PLPPR1: variants seen among roughly 807,000 people sequenced by gnomAD.
PLPPR1 encodes phospholipid phosphatase-related protein type 1.
A neutral mutation model predicts 33.1 loss-of-function variants in PLPPR1; 10 were observed. That is an observed-to-expected ratio of 0.30 (90% CI 0.19 to 0.51). PLPPR1 has a LOEUF of 0.51. Among genes scored for constraint, PLPPR1 ranks in the 20% least tolerant of loss-of-function variants. The pLI is 0.97. For missense variants in PLPPR1, 304 were observed against 408.1 expected, an observed-to-expected ratio of 0.74 and a Z score of 2.20; for synonymous variants, 151 against 151.0, an observed-to-expected ratio of 1.00 and a Z score of 0.00.
chr9:101,185,606 G>A (rs369750856), intron 2 of PLPPR1, 49 bp downstream of exon 2: 1 of 1,154,066 alleles, frequency 8.7e-7, no homozygotes, highest in African/African-American at 1.6e-5. Flanking sequence ...AAAAGTAACA[G>A]TTTTTATTCT....
chr9:101,324,108 A>G lies in PLPPR1; in HGVS notation c.*51A>G. 6.9e-7 allele frequency: 1 copy of G among 1,450,388 alleles called. No individual in the cohort carries two copies. Among genetic ancestry groups the G allele is most frequent in the Non-Finnish European group, 9.7e-7 (1 of 1,034,714 alleles). The allele number at this position is 1,450,388 out of a possible 1,614,324, so 89.8% of individuals were successfully genotyped here. On this transcript the variant is annotated 3_prime_UTR_variant, in exon 8 of 8. Coordinates refer to ENST00000374874, the MANE Select transcript of PLPPR1 (RefSeq NM_207299.2). Reference sequence around the variant, plus strand: ...TTTTAAAATCATCTTCCAATTCTATACTTCAAAACACACAGTTGCTCAATG... The same window carrying G: ...TTTTAAAATCATCTTCCAATTCTATGCTTCAAAACACACAGTTGCTCAATG...
chr9:101,245,673 G>C (rs942479070), intron 2 of PLPPR1, among the ~76,000 whole-genome samples: 1 of 151,860 alleles, frequency 6.6e-6, no homozygotes, highest in Non-Finnish European at 1.5e-5. Context: ...TTCTTACCCA[G>C]GTTCTTTTGT....
At chr9:101,224,883 T>G (rs144101099) in intron 2 of PLPPR1, among the ~76,000 whole-genome samples, 1 of 152,312 alleles carries the variant, frequency 6.6e-6, no homozygotes, top group Non-Finnish European at 1.5e-5. Context: ...TTCCTCCAGT[T>G]GCTGGGATGA....
intron 2 of PLPPR1, among the ~76,000 whole-genome samples, chr9:101,210,585 A>T (rs1268620696): frequency 6.6e-6 from 1 of 152,180 alleles, no homozygotes; most frequent in Admixed American, 6.5e-5. Flanking sequence ...AATATGATGG[A>T]TTTGACACAT....
At chr9:101,078,187 G>GAAGAAGAAGAAGAA (rs1564138307) in intron 1 of PLPPR1, among the ~76,000 whole-genome samples, 2 of 17,746 alleles carry the variant, frequency 1.1e-4, no homozygotes, top group Non-Finnish European at 2.1e-4. Context: ...AAGAAGAAGA[G>GAAGAAGAAGAAGAA]GAGGGGGGGA....
intron 1 of PLPPR1, among the ~76,000 whole-genome samples, chr9:101,090,264 A>AG (rs1319948491): frequency 2.0e-5 from 3 of 152,184 alleles, no homozygotes; most frequent in Non-Finnish European, 4.4e-5. Flanking sequence ...TCTGAGGTAT[A>AG]GGGGGTTGTG....
chr9:101,032,847 C>G (rs1564126004), intron 1 of PLPPR1, among the ~76,000 whole-genome samples: 1 of 152,126 alleles, frequency 6.6e-6, no homozygotes, highest in Non-Finnish European at 1.5e-5. Context: ...GAAATAGCAT[C>G]ATGACTCTTT....
At chr9:101,078,844 C>G (rs1368549359) in intron 1 of PLPPR1, among the ~76,000 whole-genome samples, 3 of 152,118 alleles carry the variant, frequency 2.0e-5, no homozygotes, top group African/African-American at 7.2e-5. Context: ...GTTTCTCATA[C>G]AGAAAAACTC....
intron 2 of PLPPR1, among the ~76,000 whole-genome samples, chr9:101,262,321 G>A (rs945411244): frequency 1.3e-5 from 2 of 152,108 alleles, no homozygotes; most frequent in Admixed American, 1.3e-4. Context: ...TCCAACCTAG[G>A]CAATCTGTCC....
rs545347966 is a variant in PLPPR1 at position 101,048,353 on chromosome 9, C to G, written c.-46+19251C>G. 5.3e-5 allele frequency among the ~76,000 whole-genome samples: 8 copies of G among 152,284 alleles called. No individual in the cohort carries two copies. The East Asian group carries it at 1.5e-3, about 29-fold the overall frequency. On this transcript the variant is annotated intron_variant, in intron 1 of 7. Transcript: ENST00000374874. ...GACATAAGACAGCAAAATCCTTGAT[C>G]TAGTGAACATTCAAGATAGGAGGTA... is the stretch of plus-strand genomic sequence containing the variant.
chr9:101,238,070 G>T (rs1238458094), intron 2 of PLPPR1, among the ~76,000 whole-genome samples: 1 of 136,182 alleles, frequency 7.3e-6, no homozygotes, highest in Non-Finnish European at 1.6e-5. Context: ...ATATACGTGT[G>T]TGTGTATATA....
chr9:101,060,415 T>G (rs913070535), intron 1 of PLPPR1, among the ~76,000 whole-genome samples: 35 of 152,114 alleles, frequency 2.3e-4, no homozygotes, highest in African/African-American at 8.2e-4. Flanking sequence ...GTGACTACAG[T>G]TAACATATTG....
intron 2 of PLPPR1, among the ~76,000 whole-genome samples, chr9:101,246,222 G>T (rs1244431490): frequency 2.0e-5 from 3 of 151,118 alleles, no homozygotes; most frequent in African/African-American, 7.3e-5. Flanking sequence ...GAAGAGAGAA[G>T]ACACTGAGGC....
intron 4 of PLPPR1, among the ~76,000 whole-genome samples, chr9:101,304,281 T>C (rs904620745): frequency 2.0e-5 from 3 of 152,240 alleles, no homozygotes; most frequent in Non-Finnish European, 4.4e-5. Context: ...CCAACATGAA[T>C]TAGAAAATAT....
At chr9:101,087,181 C>CAA (rs559631571) in intron 1 of PLPPR1, among the ~76,000 whole-genome samples, 2 of 124,076 alleles carry the variant, frequency 1.6e-5, no homozygotes, top group African/African-American at 6.3e-5. Context: ...GACTCTGTCT[C>CAA]AAAAAAAAAA....
At chr9:101,280,788 A>G (rs758020372) in intron 3 of PLPPR1, among the ~76,000 whole-genome samples, 8 of 152,160 alleles carry the variant, frequency 5.3e-5, no homozygotes, top group Non-Finnish European at 7.4e-5. Flanking sequence ...AATAAATGCC[A>G]TATAAAACAG....
At chr9:101,098,327 G>A (rs1409695121) in intron 1 of PLPPR1, among the ~76,000 whole-genome samples, 1 of 152,078 alleles carries the variant, frequency 6.6e-6, no homozygotes, top group African/African-American at 2.4e-5. Flanking sequence ...TAAATGAGAT[G>A]GGGGAGGAAG....
chr9:101,126,095 T>C lies in PLPPR1; in HGVS notation c.-45-59355T>C, dbSNP rs183355489. 1.1e-4 allele frequency among the ~76,000 whole-genome samples: 17 copies of C among 152,316 alleles called. No individual in the cohort carries two copies. In the East Asian group the frequency reaches 2.7e-3, roughly 24 times the overall value. On this transcript the variant is annotated intron_variant, in intron 1 of 7. Coordinates refer to ENST00000374874, the MANE Select transcript of PLPPR1 (RefSeq NM_207299.2). ...TAAGCATCCAACAGCAGGTCTACTG[T>C]ACAAATAGGTCTTTTGTCAGATACT...
intron 4 of PLPPR1, among the ~76,000 whole-genome samples, chr9:101,288,400 C>A (rs1380329598): frequency 2.0e-5 from 3 of 152,042 alleles, no homozygotes; most frequent in Non-Finnish European, 4.4e-5. Context: ...GGAGGATAAG[C>A]CAGCGACATT....
Sources: allele counts gnomAD v4.1 joint callset (sites outside exome capture counted in the v4.1 genomes callset), GRCh38; gene constraint gnomAD v4.1.1; transcripts MANE v1.5; gene names NCBI Gene and HGNC (gene_info 2026-07-23, HGNC 2026-07-21).